Variants in EVI5L observed in about 807,000 individuals in gnomAD.
EVI5L encodes EVI5-like protein.
Under a neutral mutation model 106.1 loss-of-function variants are expected in EVI5L, and 30 were observed. That is an observed-to-expected ratio of 0.28 (90% confidence interval 0.21 to 0.38). The LOEUF is 0.38. Ranked by LOEUF, EVI5L falls within the 10% of genes least tolerant of loss-of-function variation. EVI5L has a pLI of 1.00. For synonymous variants in EVI5L, 489 were observed against 483.3 expected, an observed-to-expected ratio of 1.01 and a Z score of -0.15; for missense variants, 809 against 1,098.0, an observed-to-expected ratio of 0.74 and a Z score of 3.72.
chr19:7,855,724 C>T (rs757573664), intron 10 of EVI5L, among the ~76,000 whole-genome samples: 40 of 152,162 alleles, frequency 2.6e-4, no homozygotes, highest in African/African-American at 7.5e-4. Flanking sequence ...TCTGAGGGGG[C>T]GTGGGTACTG....
chr19:7,841,673 G>A (rs1215826397), intron 1 of EVI5L, among the ~76,000 whole-genome samples: 1 of 152,178 alleles, frequency 6.6e-6, no homozygotes, highest in African/African-American at 2.4e-5. Flanking sequence ...AGCAGTTGAG[G>A]GTGAAGCATT....
At chr19:7,844,626 T>C (rs996824591) in intron 1 of EVI5L, among the ~76,000 whole-genome samples, 6 of 152,226 alleles carry the variant, frequency 3.9e-5, no homozygotes, top group Non-Finnish European at 7.3e-5. Context: ...GGCCCCAAAG[T>C]GGCCCCCACT....
Position 7,850,913 on chromosome 19 carries a change from CT to C in EVI5L, c.754-520del, listed in dbSNP as rs960996691. On this transcript the variant is annotated intron_variant, in intron 6 of 19. Coordinates refer to ENST00000538904, the MANE Select transcript of EVI5L (RefSeq NM_001159944.3). The surrounding 1 kb of genome is among the most constrained non-coding windows in gnomAD (Gnocchi z 5.4). ...CTCCGGCCTCAGTTTCCCCAGCCGT[CT>C]GCCACTTTCTGGCTGTCTAGAGTTC... Among the ~76,000 whole-genome samples, 1 of 152,256 alleles carries C rather than the reference CT, an allele frequency of 6.6e-6. No homozygotes were observed. Among genetic ancestry groups the C allele is most frequent in the Non-Finnish European group, 1.5e-5 (1 of 68,044 alleles).
intron 13 of EVI5L, chr19:7,859,158 T>G (rs1414015916): frequency 1.4e-5 from 2 of 138,178 alleles, no homozygotes; most frequent in East Asian, 4.3e-4. Flanking sequence ...ACCACCGCAC[T>G]CCAGCCTGGG....
chr19:7,862,308 G>A (rs1979845374), intron 16 of EVI5L, 31 bp downstream of exon 16: 1 of 1,582,278 alleles, frequency 6.3e-7, no homozygotes, highest in Non-Finnish European at 8.6e-7. Flanking sequence ...CGTTGGGGAA[G>A]GGGCGTGGTG....
intron 14 of EVI5L, 48 bp from the exon 15 acceptor site, chr19:7,861,830 C>T: frequency 6.5e-7 from 1 of 1,546,478 alleles, no homozygotes; most frequent in Non-Finnish European, 8.7e-7. Context: ...CAGGAAGGGC[C>T]ATGCGGCTGC....
At chr19:7,854,904 C>T (rs940212626) in intron 10 of EVI5L, among the ~76,000 whole-genome samples, 2 of 152,120 alleles carry the variant, frequency 1.3e-5, no homozygotes, top group African/African-American at 4.8e-5. Context: ...TAGGTGTTTC[C>T]ATCACCTTTT....
chr19:7,850,570 C>T lies in EVI5L; in HGVS notation c.753+448C>T, dbSNP rs1159481254. Among the ~76,000 whole-genome samples, 1 of 152,120 alleles carries T rather than the reference C, an allele frequency of 6.6e-6. No homozygotes were observed. The highest frequency in any genetic ancestry group is 1.5e-5 in the Non-Finnish European group (1 of 68,000). On this transcript the variant is annotated intron_variant, in intron 6 of 19. Coordinates refer to ENST00000538904, the MANE Select transcript of EVI5L (RefSeq NM_001159944.3). The surrounding 1 kb of genome is among the most constrained non-coding windows in gnomAD (Gnocchi z 5.4). ...GGCTGGCAGGCAGAGCCGCCAAGGC[C>T]GTTTGCGAACATACACACACCCGCA...
Position 7,863,073 on chromosome 19 carries a change from C to CGGCGGGGCCGGGGTCGGGG in EVI5L, c.2043+14_2043+32dup. ...TTGCCGAGCTGGAGATCCAGGTGAT[C>CGGCGGGGCCGGGGTCGGGG]GGCGGGGCCGGGGTCGGGGGGCGGG... On this transcript the variant is annotated splice_region_variant and intron_variant, in intron 18 of 19. Coordinates refer to ENST00000538904, the MANE Select transcript of EVI5L (RefSeq NM_001159944.3). The surrounding 1 kb of genome is among the most constrained non-coding windows in gnomAD (Gnocchi z 7.7). 1 of 1,265,752 alleles carries CGGCGGGGCCGGGGTCGGGG rather than the reference C, an allele frequency of 7.9e-7. No homozygotes were observed. The highest frequency in any genetic ancestry group is 1.1e-6 in the Non-Finnish European group (1 of 913,330). The allele number at this position is 1,265,752 out of a possible 1,614,324, so 78.4% of individuals were successfully genotyped here.
chr19:7,849,010 G>A lies in EVI5L; in HGVS notation c.417G>A (p.Gln139=). Residue 139 remains glutamine, a synonymous_variant, in exon 4 of 20, where the codon CAG becomes CAA. Coordinates refer to ENST00000538904, the MANE Select transcript of EVI5L (RefSeq NM_001159944.3). ...CCACGGACATGCCCGTCAAGAACCAGTACTCCGAGCTGCTCAAGATGTCCT... is the reference window on the plus strand; with the variant it reads ...CCACGGACATGCCCGTCAAGAACCAATACTCCGAGCTGCTCAAGATGTCCT... ...CSATDMPVKN[Q]YSELLKMSSP... 1.2e-6 allele frequency: 2 copies of A among 1,613,640 alleles called. No individual in the cohort carries two copies. The highest frequency in any genetic ancestry group is 1.7e-6 in the Non-Finnish European group (2 of 1,180,034).
chr19:7,833,864 A>G (rs1418886572), intron 1 of EVI5L, among the ~76,000 whole-genome samples: 1 of 152,196 alleles, frequency 6.6e-6, no homozygotes, highest in Non-Finnish European at 1.5e-5. Context: ...AGCCCGGGCA[A>G]TAGAAGGAAG....
intron 1 of EVI5L, among the ~76,000 whole-genome samples, chr19:7,836,748 G>A (rs667295): frequency 0.57 from 86,634 of 151,414 alleles, 24,975 homozygotes; most frequent in South Asian, 0.77. Flanking sequence ...AGCCTCAGGA[G>A]TAGCTGGGAT....
chr19:7,852,061 C>T lies in EVI5L; in HGVS notation c.987+291C>T, dbSNP rs473175. On this transcript the variant is annotated intron_variant, in intron 8 of 19. Transcript: ENST00000538904. ...TGCCCACCTCCTGCCCCCAACCCCG[C>T]AGATGCCCCAAAGCCTGATGGCAGA... is the stretch of plus-strand genomic sequence containing the variant. Among the ~76,000 whole-genome samples, 283 of 152,282 alleles carry T rather than the reference C, an allele frequency of 1.9e-3. 1 individual carries two copies. Among genetic ancestry groups the T allele is most frequent in the African/African-American group, 6.5e-3 (272 of 41,564 alleles).
rs1288755488 is a variant in EVI5L, at chr19:7,863,491, G to A, written c.2207G>A (p.Arg736Gln). 2 of 1,580,038 alleles carry A rather than the reference G, an allele frequency of 1.3e-6. No individual in the cohort carries two copies. The highest frequency in any genetic ancestry group is 1.8e-5 in the Admixed American group (1 of 55,888). The change falls in exon 20 of 20, where the codon CGG becomes CAG. Residue 736 changes from arginine to glutamine, a missense_variant. By Grantham distance (43) the Arg-to-Gln change is conservative. Coordinates refer to ENST00000538904, the MANE Select transcript of EVI5L (RefSeq NM_001159944.3). This position sits in a 1 kb window ranked among gnomAD's most constrained non-coding sequence, Gnocchi z 7.7. The stretch of plus-strand genomic sequence containing the variant: ...GCTTTCGATGGGCTGAGCCTGGCGC[G>A]GCACTTGGACGAGGACTCGCTGCCG... ...PLAFDGLSLARHLDEDSLPSS... is the reference protein window; with the variant it reads ...PLAFDGLSLAQHLDEDSLPSS...
chr19:7,856,389 G>A lies in EVI5L; in HGVS notation c.1200+321G>A, dbSNP rs1489126866. On this transcript the variant is annotated intron_variant, in intron 11 of 19. Coordinates refer to ENST00000538904, the MANE Select transcript of EVI5L (RefSeq NM_001159944.3). This position sits in a 1 kb window ranked among gnomAD's most constrained non-coding sequence, Gnocchi z 6.6. ...GAGGAGGAGGGAGAACTGCCACTTT[G>A]ATGGACGAGCCCCGTAATTGGGCCA... Among the ~76,000 whole-genome samples, 2 of 152,082 alleles carry A rather than the reference G, an allele frequency of 1.3e-5. No individual in the cohort carries two copies. The highest frequency in any genetic ancestry group is 4.8e-5 in the African/African-American group (2 of 41,404).
At chr19:7,860,394 G>A (rs1023698428) in intron 13 of EVI5L, among the ~76,000 whole-genome samples, 167 bp from the exon 14 acceptor site, 6 of 152,200 alleles carry the variant, frequency 3.9e-5, no homozygotes, top group African/African-American at 1.4e-4. Flanking sequence ...ATGGATGCCA[G>A]GACCTCTAGG....
At chr19:7,836,505 A>G (rs1321360279) in intron 1 of EVI5L, among the ~76,000 whole-genome samples, 3 of 152,260 alleles carry the variant, frequency 2.0e-5, no homozygotes, top group African/African-American at 7.2e-5. Context: ...AAGGCTATAC[A>G]GTCAGAAATC....
Position 7,832,791 on chromosome 19 carries a change from C to A in EVI5L, c.-48+2410C>A, listed in dbSNP as rs538047503. The stretch of plus-strand genomic sequence containing the variant: ...CAGGACTTGTGGTTATACACAGGGT[C>A]TTCCCAGGAGGACCACGGGGAACAG... On this transcript the variant is annotated intron_variant, in intron 1 of 19. Transcript: ENST00000538904. Among the ~76,000 whole-genome samples the A allele has an allele frequency of 6.6e-5, 10 of 152,270 alleles. No individual in the cohort carries two copies. In the South Asian group the frequency reaches 1.7e-3, roughly 25 times the overall value.
At chr19:7,844,602 T>G (rs1334214193) in intron 1 of EVI5L, among the ~76,000 whole-genome samples, 1 of 152,218 alleles carries the variant, frequency 6.6e-6, no homozygotes, top group African/African-American at 2.4e-5. Flanking sequence ...CGGGCAGACT[T>G]TGACTCTGTG....
Sources: allele counts gnomAD v4.1 joint callset (sites outside exome capture counted in the v4.1 genomes callset), GRCh38; gene constraint gnomAD v4.1.1; non-coding constraint Gnocchi (gnomAD v3.1); transcripts MANE v1.5; gene names NCBI Gene and HGNC (gene_info 2026-07-23, HGNC 2026-07-21).